The following CHUK variants were observed in gnomAD, a reference collection of about 807,000 sequenced individuals.
The protein encoded by CHUK is component of inhibitor of nuclear factor kappa B kinase complex, also known as inhibitor of nuclear factor kappa-B kinase subunit alpha.
In CHUK, 35 loss-of-function variants were observed where a neutral mutation model predicts 104.8. The ratio of observed to expected loss-of-function variants is 0.33; its 90% CI spans 0.26 to 0.44. CHUK has a LOEUF of 0.44. Ranked by LOEUF, CHUK falls within the 20% of genes least tolerant of loss-of-function variation. CHUK has a pLI of 1.00. For synonymous variants in CHUK, 276 were observed against 291.9 expected, an observed-to-expected ratio of 0.95 and a Z score of 0.56; for missense variants, 663 against 902.7, an observed-to-expected ratio of 0.73 and a Z score of 3.40.
intron 2 of CHUK, 91 bp downstream of exon 2, chr10:100,225,832 C>A: frequency 1.3e-6 from 1 of 774,546 alleles, no homozygotes; most frequent in Non-Finnish European, 2.4e-6. Flanking sequence ...CAAAAAGATC[C>A]TGAGAAGAGT....
rs1342907436 is a variant in CHUK, at chr10:100,200,856, G to T, written c.1570-76C>A. ...TAGGAAACAAAATTCAGATCTTAAG[G>T]ATACAGAATGACTTGCTGCTTCATT... On this transcript the variant is annotated intron_variant, in intron 14 of 20. Transcript: ENST00000370397. 3.7e-6 allele frequency: 3 copies of T among 805,458 alleles called. No individual in the cohort carries two copies. In the African/African-American group the frequency reaches 5.0e-5, roughly 13 times the overall value. The allele number at this position is 805,458 out of a possible 1,614,324, so 49.9% of individuals were successfully genotyped here.
At chr10:100,190,667 T>TA (rs933948854) in intron 20 of CHUK, 70 of 585,430 alleles carry the variant, frequency 1.2e-4, no homozygotes, top group African/African-American at 1.1e-3. Flanking sequence ...TTATTGAAGA[T>TA]AATTGATGAC....
intron 1 of CHUK, among the ~76,000 whole-genome samples, chr10:100,227,096 G>A (rs556284534): frequency 6.6e-6 from 1 of 152,292 alleles, no homozygotes; most frequent in South Asian, 2.1e-4. Context: ...GCACAACCAT[G>A]AACAACACTG....
At chr10:100,228,977 G>A (rs1164117675) in intron 1 of CHUK, among the ~76,000 whole-genome samples, 1 of 117,836 alleles carries the variant, frequency 8.5e-6, no homozygotes, top group African/African-American at 3.4e-5. Context: ...TGGCCTCCAA[G>A]CGCGCGCGCG....
intron 16 of CHUK, chr10:100,194,748 T>G (rs1845285557): frequency 5.6e-6 from 2 of 354,058 alleles, no homozygotes; most frequent in South Asian, 6.6e-5. Flanking sequence ...TATATATAAA[T>G]TTATCAGTAA....
chr10:100,199,942 C>G (rs759982567), intron 16 of CHUK, 29 bp downstream of exon 16: 2 of 1,547,178 alleles, frequency 1.3e-6, no homozygotes, highest in African/African-American at 1.4e-5. Context: ...CCTAAAATGC[C>G]TTCAAGCACT....
At position 100,229,498 on chromosome 10, in the gene CHUK, CCCGCGCCCGG is replaced by C. The variant is rs1321793151; in HGVS notation, c.25_34del (p.Pro9AlafsTer30). 1.9e-6 allele frequency: 3 copies of C among 1,577,978 alleles called. No individual in the cohort carries two copies. The highest frequency in any genetic ancestry group is 2.6e-6 in the Non-Finnish European group (3 of 1,166,460). ...CCGCTCCCGCATCTCCCAGGGCCCGCCCGCGCCCGGCCGCAGCCCCGGGGGCCGCTCCATG... is the reference window on the plus strand; with the variant it reads ...CCGCTCCCGCATCTCCCAGGGCCCGCCCGCAGCCCCGGGGGCCGCTCCATG... On this transcript the variant is annotated frameshift_variant, in exon 1 of 21. Transcript: ENST00000370397. LOFTEE classifies it high-confidence loss of function.
chr10:100,203,304 A>G (rs933554555), intron 13 of CHUK, among the ~76,000 whole-genome samples: 3 of 152,130 alleles, frequency 2.0e-5, no homozygotes, highest in Non-Finnish European at 2.9e-5. Flanking sequence ...GCACATATAG[A>G]TCTACCTCAT....
At chr10:100,210,079 A>ATTTTTTTT (rs1468982651) in intron 9 of CHUK, among the ~76,000 whole-genome samples, 1 of 129,450 alleles carries the variant, frequency 7.7e-6, no homozygotes, top group African/African-American at 3.7e-5. Context: ...TTATTTATTT[A>ATTTTTTTT]TTTATTTATT....
At chr10:100,204,482 C>G in intron 13 of CHUK, 24 bp downstream of exon 13, 1 of 1,607,506 alleles carries the variant, frequency 6.2e-7, no homozygotes. Flanking sequence ...ATGCTCCTTT[C>G]AAATACATTA....
chr10:100,191,116 C>T (rs1845190510), intron 19 of CHUK, 148 bp from the exon 20 acceptor site: 2 of 685,602 alleles, frequency 2.9e-6, no homozygotes, highest in Non-Finnish European at 5.3e-6. Context: ...CTTTAGTTTC[C>T]TCATCCCTCC....
At chr10:100,215,109 C>T (rs563875118) in intron 9 of CHUK, among the ~76,000 whole-genome samples, 2 of 151,124 alleles carry the variant, frequency 1.3e-5, no homozygotes, top group East Asian at 3.9e-4. Context: ...GTGGCAGGCA[C>T]CTGTAATCCC....
chr10:100,218,934 A>G (rs879770609), intron 7 of CHUK, 74 bp downstream of exon 7: 159 of 1,571,930 alleles, frequency 1.0e-4, no homozygotes, highest in Non-Finnish European at 1.4e-4. Context: ...AAACAATTAA[A>G]GAAAGAAAAA....
intron 16 of CHUK, among the ~76,000 whole-genome samples, chr10:100,198,869 CTT>C (rs1212532898): frequency 2.6e-5 from 4 of 152,246 alleles, no homozygotes; most frequent in South Asian, 2.1e-4. Flanking sequence ...AGGGCACAGA[CTT>C]TATTTCTTCT....
At chr10:100,210,174 G>A (rs1461756137) in intron 9 of CHUK, among the ~76,000 whole-genome samples, 15 of 146,840 alleles carry the variant, frequency 1.0e-4, no homozygotes, top group Non-Finnish European at 1.6e-4. Flanking sequence ...TGCAAGCTCC[G>A]CCTCCCGGGT....
intron 1 of CHUK, 134 bp downstream of exon 1, chr10:100,229,294 A>G: frequency 2.8e-6 from 2 of 717,276 alleles, no homozygotes; most frequent in African/African-American, 3.5e-5. Flanking sequence ...ACACACACAC[A>G]AGCCCACTGG....
chr10:100,191,952 T>A (rs949632987), intron 19 of CHUK, among the ~76,000 whole-genome samples: 1 of 152,068 alleles, frequency 6.6e-6, no homozygotes, highest in East Asian at 1.9e-4. Flanking sequence ...AACTCCGTCT[T>A]TACTAAAATA....
intron 5 of CHUK, 101 bp from the exon 6 acceptor site, chr10:100,219,460 A>G: frequency 1.4e-6 from 1 of 729,610 alleles, no homozygotes; most frequent in Admixed American, 2.2e-5. Context: ...AGTGGTGAGG[A>G]CCTTGGGCTC....
chr10:100,204,458 C>T (rs749671032), intron 13 of CHUK, 48 bp downstream of exon 13: 4 of 1,548,114 alleles, frequency 2.6e-6, no homozygotes, highest in Non-Finnish European at 3.6e-6. Flanking sequence ...TAACAGATGG[C>T]TTCAAGAAAC....
Sources: gnomAD v4.1 joint callset for allele counts (sites outside exome capture counted in the v4.1 genomes callset) on GRCh38, gnomAD v4.1.1 for gene constraint, MANE v1.5 for transcripts, NCBI Gene and HGNC (gene_info 2026-07-23, HGNC 2026-07-21) for gene names.